NMNAT3: variants seen among roughly 807,000 people sequenced by gnomAD.
The protein encoded by NMNAT3 is nicotinamide/nicotinic acid mononucleotide adenylyltransferase 3.
Under a neutral mutation model 24.8 loss-of-function variants are expected in NMNAT3, and 21 were observed. The observed-to-expected ratio is 0.85, with a 90% confidence interval of 0.60 to 1.22. The LOEUF (loss-of-function observed/expected upper bound fraction) is 1.22. NMNAT3 is among the 50% of genes most tolerant of loss of function. The pLI is 0.00. For synonymous variants in NMNAT3, 136 were observed against 155.2 expected (o/e 0.88, Z 0.92); for missense variants, 387 against 436.6 (o/e 0.89, Z 1.01).
chr3:139,568,758 C>T (rs1937594830), intron 6 of NMNAT3: 1 of 152,126 alleles, frequency 6.6e-6, no homozygotes, highest in Non-Finnish European at 1.5e-5. Flanking sequence ...TGCTTTACTT[C>T]CAACTATGTG....
intron 1 of NMNAT3, among the ~76,000 whole-genome samples, chr3:139,669,379 A>G (rs1160977298): frequency 3.4e-5 from 5 of 145,750 alleles, no homozygotes; most frequent in African/African-American, 1.3e-4. Context: ...TGAGGCTGAG[A>G]TGGGAGGACT....
chr3:139,599,081 C>T (rs544407436), intron 3 of NMNAT3: 2 of 488,978 alleles, frequency 4.1e-6, no homozygotes, highest in Non-Finnish European at 7.1e-6. Flanking sequence ...CTAGCAGCCT[C>T]ACAAACCGTG....
intron 6 of NMNAT3, among the ~76,000 whole-genome samples, chr3:139,563,159 T>C (rs1290559486): frequency 6.6e-6 from 1 of 152,238 alleles, no homozygotes; most frequent in Non-Finnish European, 1.5e-5. Context: ...AAACAGCATT[T>C]AACAATTATT....
At chr3:139,582,592 A>G (rs2053695866) in intron 4 of NMNAT3, among the ~76,000 whole-genome samples, 1 of 139,774 alleles carries the variant, frequency 7.2e-6, no homozygotes, top group African/African-American at 2.6e-5. Context: ...CAGTGAGTCA[A>G]GATTGCACCA....
intron 2 of NMNAT3, among the ~76,000 whole-genome samples, chr3:139,632,343 T>TTGCCTGTTGG (rs941659349): frequency 3.3e-5 from 5 of 152,278 alleles, no homozygotes; most frequent in African/African-American, 1.2e-4. Context: ...AAAGACATCC[T>TTGCCTGTTGG]TGCCTATTGG....
At chr3:139,578,351 G>A (rs1939635433) in intron 5 of NMNAT3, among the ~76,000 whole-genome samples, 1 of 152,036 alleles carries the variant, frequency 6.6e-6, no homozygotes, top group Non-Finnish European at 1.5e-5. Flanking sequence ...TGGGTTTACA[G>A]AACCCAGGAA....
intron 6 of NMNAT3, chr3:139,568,127 A>G (rs1576505566): frequency 6.6e-6 from 1 of 152,298 alleles, no homozygotes; most frequent in Non-Finnish European, 1.5e-5. Flanking sequence ...GTTTATTTGC[A>G]TAGAGGTGTT....
At position 139,560,261 on chromosome 3, in the gene NMNAT3, A is replaced by T. The variant is rs1936225187; in HGVS notation, c.*749T>A. Reference sequence around the variant, plus strand: ...AACAGACAGGCAGTCATAAAACATTAAAAAAGATCCTTTAAAACGGTCAGG... The same window carrying T: ...AACAGACAGGCAGTCATAAAACATTTAAAAAGATCCTTTAAAACGGTCAGG... On this transcript the variant is annotated 3_prime_UTR_variant, in exon 7 of 7. Transcript: ENST00000643695. 2 of 152,624 alleles carry T rather than the reference A, an allele frequency of 1.3e-5. No individual in the cohort carries two copies. Among genetic ancestry groups the T allele is most frequent in the South Asian group, 4.1e-4 (2 of 4,820 alleles). The allele number at this position is 152,624 out of a possible 1,614,324, so 9.5% of individuals were successfully genotyped here.
intron 1 of NMNAT3, among the ~76,000 whole-genome samples, chr3:139,642,057 C>T (rs887182252): frequency 6.6e-6 from 1 of 152,098 alleles, no homozygotes; most frequent in Non-Finnish European, 1.5e-5. Context: ...TGAGAAAGCC[C>T]CTTTTCTGTC....
chr3:139,572,808 C>T (rs1410224602), intron 6 of NMNAT3, among the ~76,000 whole-genome samples: 5 of 152,204 alleles, frequency 3.3e-5, no homozygotes, highest in African/African-American at 1.2e-4. Flanking sequence ...ATAGTAAAGG[C>T]TCTAAAAAGT....
chr3:139,666,146 C>T (rs994920867), intron 1 of NMNAT3, among the ~76,000 whole-genome samples: 10 of 152,290 alleles, frequency 6.6e-5, no homozygotes, highest in South Asian at 6.2e-4. Context: ...CAACAGCATG[C>T]GCTGTCCACA....
At chr3:139,666,942 G>A (rs1249102169) in intron 1 of NMNAT3, among the ~76,000 whole-genome samples, 1 of 152,136 alleles carries the variant, frequency 6.6e-6, no homozygotes, top group Non-Finnish European at 1.5e-5. Context: ...GCCAAATAAT[G>A]TATCATTATG....
At chr3:139,649,943 A>G (rs911203649) in intron 1 of NMNAT3, among the ~76,000 whole-genome samples, 3 of 152,220 alleles carry the variant, frequency 2.0e-5, no homozygotes, top group African/African-American at 7.2e-5. Context: ...GGCCATGAAG[A>G]GATGAATGGG....
rs549564485 is a variant in NMNAT3, at chr3:139,575,894, T to C, written c.576-2214A>G. Reference sequence around the variant, plus strand: ...AGCCTGCAGATCCCTGTTTTGAAGATGGCCATAAGCATGGCTTCAGAGCTC... The same window carrying C: ...AGCCTGCAGATCCCTGTTTTGAAGACGGCCATAAGCATGGCTTCAGAGCTC... On this transcript the variant is annotated intron_variant, in intron 5 of 6. Transcript: ENST00000643695. 6,323 of 1,274,778 alleles carry C rather than the reference T, an allele frequency of 5.0e-3. 22 individuals carry two copies. Among genetic ancestry groups the C allele is most frequent in the Non-Finnish European group, 5.9e-3 (5,777 of 982,548 alleles). 79.0% of individuals were successfully genotyped at this position (1,274,778 alleles called of 1,614,324 possible).
At chr3:139,645,595 A>T (rs2108369619) in intron 1 of NMNAT3, among the ~76,000 whole-genome samples, 1 of 152,268 alleles carries the variant, frequency 6.6e-6, no homozygotes, top group Admixed American at 6.5e-5. Context: ...CCTGTGCTCC[A>T]GGTAAGAAGA....
rs1169486523 is a variant in NMNAT3, at chr3:139,578,973, T to G, written c.474A>C (p.Arg158=). 2.5e-6 allele frequency: 4 copies of G among 1,614,186 alleles called. No individual in the cohort carries two copies. The highest frequency in any genetic ancestry group is 3.4e-6 in the Non-Finnish European group (4 of 1,180,030). ...GCAGGGCCAGCCGGGCCATGGCCAC[T>G]CGGTGATGAGAAGCTGCGAGGTCTT... Residue 158 remains arginine, a synonymous_variant, in exon 5 of 7, where the codon CGA becomes CGC. Transcript: ENST00000643695.
At chr3:139,596,947 TA>T (rs1559891083) in intron 3 of NMNAT3, among the ~76,000 whole-genome samples, 1,916 of 129,336 alleles carry the variant, frequency 0.015, 93 homozygotes, top group African/African-American at 0.057. Flanking sequence ...TATATATATA[TA>T]TATATATATA....
intron 3 of NMNAT3, among the ~76,000 whole-genome samples, chr3:139,599,744 A>G (rs1255071866): frequency 6.6e-6 from 1 of 152,102 alleles, no homozygotes; most frequent in Non-Finnish European, 1.5e-5. Context: ...AATGTTTTGC[A>G]TCTTTTTTTG....
chr3:139,591,228 G>A (rs1009359722), intron 3 of NMNAT3, among the ~76,000 whole-genome samples: 5 of 151,432 alleles, frequency 3.3e-5, no homozygotes, highest in African/African-American at 9.8e-5. Flanking sequence ...GGAAAATCGG[G>A]TCACTCCCAC....
Sources: allele counts gnomAD v4.1 joint callset (sites outside exome capture counted in the v4.1 genomes callset), GRCh38; gene constraint gnomAD v4.1.1; transcripts MANE v1.5; gene names NCBI Gene and HGNC (gene_info 2026-07-23, HGNC 2026-07-21).